Variants in SIPA1L2 observed in about 807,000 individuals in gnomAD.
SIPA1L2 encodes signal induced proliferation associated 1 like 2.
SIPA1L2 carries 56 observed loss-of-function variants against 163.9 expected under a neutral mutation model. That is an observed-to-expected ratio of 0.34 (90% CI 0.28 to 0.43). The LOEUF is 0.43. Ranked by LOEUF, SIPA1L2 falls within the 20% of genes least tolerant of loss-of-function variation. The pLI is 1.00. For synonymous variants in SIPA1L2, 877 were observed against 865.7 expected (o/e 1.01, Z -0.23); for missense variants, 1,974 against 2,193.5 (o/e 0.90, Z 2.00).
chr1:232,499,103 A>G (rs897007244), intron 3 of SIPA1L2, among the ~76,000 whole-genome samples: 1 of 152,198 alleles, frequency 6.6e-6, no homozygotes, highest in African/African-American at 2.4e-5. Flanking sequence ...CAATTGCCCT[A>G]CTTTCCCTGG....
chr1:232,615,369 C>T (rs1037073553), intron 1 of SIPA1L2, among the ~76,000 whole-genome samples: 5 of 152,338 alleles, frequency 3.3e-5, no homozygotes, highest in South Asian at 2.1e-4. Context: ...AGCAGCACAA[C>T]GTGAGCTCAT....
In SIPA1L2 at chr1:232,515,514, A is replaced by G. The variant is rs2103047963; in HGVS notation, c.-175T>C. 1 of 625,268 alleles carries G rather than the reference A, an allele frequency of 1.6e-6. No homozygotes were observed. Among genetic ancestry groups the G allele is most frequent in the Non-Finnish European group, 2.6e-6 (1 of 381,558 alleles). The allele number at this position is 625,268 out of a possible 1,614,324, so 38.7% of individuals were successfully genotyped here. A position where few individuals can be genotyped will look rare whatever the true frequency, so the allele number is the denominator to read the frequency against. ...TCAGAATACAGTTTCTTCAAAGCCA[A>G]CTTGCTTCTCTGTTGTCGTAATAAT... is the stretch of plus-strand genomic sequence containing the variant. On this transcript the variant is annotated 5_prime_UTR_variant, in exon 3 of 23. Coordinates refer to ENST00000674635, the MANE Select transcript of SIPA1L2 (RefSeq NM_020808.5).
intron 22 of SIPA1L2, 58 bp from the exon 23 acceptor site, chr1:232,399,331 T>G: frequency 1.3e-6 from 2 of 1,551,116 alleles, no homozygotes; most frequent in Non-Finnish European, 1.8e-6. Context: ...TCATTCCTCC[T>G]AAGCTGGGCT....
At chr1:232,607,987 G>A (rs1004285150) in intron 1 of SIPA1L2, among the ~76,000 whole-genome samples, 8 of 149,590 alleles carry the variant, frequency 5.3e-5, no homozygotes, top group East Asian at 3.9e-4. Context: ...CTGGGGAGGC[G>A]GAGGTTGCGG....
Position 232,605,434 on chromosome 1 carries a change from C to G in SIPA1L2, c.-319+24435G>C, listed in dbSNP as rs538533977. Among the ~76,000 whole-genome samples the G allele has an allele frequency of 1.2e-4, 18 of 152,302 alleles. No individual in the cohort carries two copies. The South Asian group carries it at 2.7e-3, about 23-fold the overall frequency. On this transcript the variant is annotated intron_variant, in intron 1 of 22. Coordinates refer to ENST00000674635, the MANE Select transcript of SIPA1L2 (RefSeq NM_020808.5). ...TCCCAGCTGGGTGTGGTGGCTCACG[C>G]CTGTAATTCCAGAACTTTGGGAGGC...
intron 18 of SIPA1L2, among the ~76,000 whole-genome samples, chr1:232,420,982 A>G (rs778082101): frequency 5.3e-5 from 8 of 152,264 alleles, no homozygotes; most frequent in Non-Finnish European, 1.2e-4. Context: ...AATTTTGCAT[A>G]TGGTATCACA....
intron 16 of SIPA1L2, among the ~76,000 whole-genome samples, chr1:232,430,402 A>G (rs1317221917): frequency 2.6e-5 from 4 of 152,250 alleles, no homozygotes; most frequent in South Asian, 2.1e-4. Context: ...TTATTAACAA[A>G]ATTAACAGTA....
At chr1:232,629,429 C>A (rs1483338352) in intron 1 of SIPA1L2, among the ~76,000 whole-genome samples, 1 of 152,164 alleles carries the variant, frequency 6.6e-6, no homozygotes, top group Non-Finnish European at 1.5e-5. Context: ...TCCGGGCGCA[C>A]CCCCTCTAGA....
At chr1:232,506,312 CA>C (rs1197359326) in intron 3 of SIPA1L2, among the ~76,000 whole-genome samples, 1 of 152,152 alleles carries the variant, frequency 6.6e-6, no homozygotes, top group Non-Finnish European at 1.5e-5. Flanking sequence ...AAGCCCTTTA[CA>C]GGGGGGATTT....
intron 2 of SIPA1L2, among the ~76,000 whole-genome samples, chr1:232,533,809 G>GT (rs1657128676): frequency 6.6e-6 from 1 of 152,150 alleles, no homozygotes; most frequent in African/African-American, 2.4e-5. Flanking sequence ...TGAACAACGA[G>GT]TTAAGCAGCA....
intron 2 of SIPA1L2, among the ~76,000 whole-genome samples, chr1:232,540,256 G>A (rs1023903935): frequency 3.3e-5 from 5 of 152,128 alleles, no homozygotes; most frequent in Non-Finnish European, 7.4e-5. Context: ...GTGGGCCGAG[G>A]TCACGCCACT....
intron 6 of SIPA1L2, among the ~76,000 whole-genome samples, chr1:232,482,622 A>C (rs1665420315): frequency 1.3e-5 from 2 of 152,190 alleles, no homozygotes; most frequent in Admixed American, 1.3e-4. Context: ...GTGAGTTTAC[A>C]CCATCGCAGA....
intron 2 of SIPA1L2, among the ~76,000 whole-genome samples, chr1:232,525,010 T>G (rs1667626266): frequency 6.6e-6 from 1 of 152,144 alleles, no homozygotes; most frequent in African/African-American, 2.4e-5. Flanking sequence ...ATGTTTAAAT[T>G]ACACAGAACA....
At chr1:232,629,496 C>G (rs966174053) in intron 1 of SIPA1L2, among the ~76,000 whole-genome samples, 3 of 152,224 alleles carry the variant, frequency 2.0e-5, no homozygotes, top group Non-Finnish European at 2.9e-5. Flanking sequence ...GCCGGGGAAG[C>G]TGCGTCGGGC....
chr1:232,399,145 G>T lies in SIPA1L2; in HGVS notation c.5151C>A (p.Thr1717=). ...LRKFTEWFFT[T]IDKKS ...GGATTGGCTAAGATTTTTTGTCGAT[G>T]GTGGTGAAAAACCATTCTGTGAATT... The change falls in exon 23 of 23, where the codon ACC becomes ACA. Residue 1717 remains threonine, a synonymous_variant. Coordinates refer to ENST00000674635, the MANE Select transcript of SIPA1L2 (RefSeq NM_020808.5). 2 of 1,614,060 alleles carry T rather than the reference G, an allele frequency of 1.2e-6. No individual in the cohort carries two copies. The highest frequency in any genetic ancestry group is 1.7e-6 in the Non-Finnish European group (2 of 1,180,018).
intron 3 of SIPA1L2, among the ~76,000 whole-genome samples, chr1:232,510,312 G>A (rs1464641507): frequency 6.6e-6 from 1 of 151,978 alleles, no homozygotes; most frequent in Non-Finnish European, 1.5e-5. Context: ...TGACGAAATT[G>A]CCTAATAACA....
chr1:232,454,662 T>C (rs1023024666), intron 10 of SIPA1L2, among the ~76,000 whole-genome samples: 1 of 152,228 alleles, frequency 6.6e-6, no homozygotes, highest in Non-Finnish European at 1.5e-5. Flanking sequence ...AGATGGTTAC[T>C]AGTCTAACAC....
intron 18 of SIPA1L2, among the ~76,000 whole-genome samples, chr1:232,421,192 G>A (rs761425959): frequency 9.9e-5 from 15 of 152,140 alleles, no homozygotes; most frequent in Non-Finnish European, 1.8e-4. Flanking sequence ...ACACTTCTCC[G>A]TGCTCACAAT....
intron 3 of SIPA1L2, among the ~76,000 whole-genome samples, chr1:232,499,438 C>T (rs1318998594): frequency 2.0e-5 from 3 of 152,210 alleles, no homozygotes; most frequent in Non-Finnish European, 2.9e-5. Flanking sequence ...AAAGCAGTTA[C>T]AACACTCCCT....
Sources: gnomAD v4.1 joint callset for allele counts (sites outside exome capture counted in the v4.1 genomes callset) on GRCh38, gnomAD v4.1.1 for gene constraint, MANE v1.5 for transcripts, NCBI Gene and HGNC (gene_info 2026-07-23, HGNC 2026-07-21) for gene names.